Variants in PLCB2 observed in about 807,000 individuals in gnomAD.
PLCB2 encodes phospholipase C beta 2.
PLCB2 carries 115 observed loss-of-function variants against 141.7 expected under a neutral mutation model. The observed-to-expected ratio is 0.81, with a 90% CI of 0.70 to 0.95. The LOEUF is 0.95. Among genes scored for constraint, PLCB2 ranks in the 40% least tolerant of loss-of-function variants. The pLI, the probability that PLCB2 is intolerant of heterozygous loss-of-function variation, is 0.00. For missense variants in PLCB2, 1,403 were observed against 1,541.1 expected (o/e 0.91, Z 1.50); for synonymous variants, 603 against 595.6 (o/e 1.01, Z -0.18).
At chr15:40,301,373 G>C in intron 7 of PLCB2, 1 of 598,632 alleles carries the variant, frequency 1.7e-6, no homozygotes, top group Non-Finnish European at 3.0e-6. Flanking sequence ...CAGCCCAGAG[G>C]GCTCCTTTTT....
chr15:40,289,354 G>A lies in PLCB2; in HGVS notation c.3272C>T (p.Thr1091Met), dbSNP rs368664012. 30 of 1,613,002 alleles carry A rather than the reference G, an allele frequency of 1.9e-5. No individual in the cohort carries two copies. The highest frequency in any genetic ancestry group is 1.6e-4 in the Middle Eastern group (1 of 6,082). The change falls in exon 31 of 32, where the codon ACG becomes ATG. Residue 1091 changes from threonine to methionine, a missense_variant. This residue lies in a region of PLCB2 where 132 missense variants were observed against 132.4 expected (regional missense o/e 1.00). Transcript: ENST00000260402. ...CTCCTGGTGCCTCTCCAAGTTCTCC[G>A]TCATCTGGGTGGGAGTGGATGGCAG... Reference protein sequence around the residue: ...QEVVQVIKQMTENLERHQEKL... With the variant: ...QEVVQVIKQMMENLERHQEKL...
chr15:40,289,966 AGAGT>A lies in PLCB2; in HGVS notation c.3267+55_3267+58del, dbSNP rs1195321806. ...GAGAGAGAGAGAGAGAGAGAGAGAG[AGAGT>A]GTGTGTGTGTGTGTGTGTGTGTGTG... is the stretch of plus-strand genomic sequence containing the variant. On this transcript the variant is annotated intron_variant, in intron 30 of 31. Coordinates refer to ENST00000260402, the MANE Select transcript of PLCB2 (RefSeq NM_004573.3). 4 of 563,906 alleles carry A rather than the reference AGAGT, an allele frequency of 7.1e-6. No individual in the cohort carries two copies. The African/African-American group carries it at 9.9e-5, about 14-fold the overall frequency. 34.9% of individuals were successfully genotyped at this position (563,906 alleles called of 1,614,324 possible). A position where few individuals can be genotyped will look rare whatever the true frequency, so the allele number is the denominator to read the frequency against.
rs1362870251 is a variant in PLCB2 at position 40,298,572 on chromosome 15, G to A, written c.987C>T (p.Thr329=). 6.2e-6 allele frequency: 10 copies of A among 1,614,268 alleles called. No homozygotes were observed. Among genetic ancestry groups the A allele is most frequent in the Non-Finnish European group, 8.5e-6 (10 of 1,180,050 alleles). The stretch of plus-strand genomic sequence containing the variant: ...GTTATCAGGGCCCACCTGTCAGGTA[G>A]GTGTTGTGGGACGAGTTGATGAAGT... ...NHYFINSSHN[T]YLTAGQFSGL... Residue 329 remains threonine (T), a synonymous_variant, in exon 10 of 32, where the codon ACC becomes ACT. Transcript: ENST00000260402.
intron 16 of PLCB2, 76 bp from the exon 17 acceptor site, chr15:40,295,361 C>A: frequency 9.9e-7 from 1 of 1,010,620 alleles, no homozygotes; most frequent in South Asian, 1.3e-5. Context: ...CCCTTTGGGG[C>A]AGCTCCCTCT....
chr15:40,293,814 G>A, intron 19 of PLCB2, 90 bp from the exon 20 acceptor site: 1 of 1,338,898 alleles, frequency 7.5e-7, no homozygotes, highest in East Asian at 2.4e-5. Context: ...TAGAGCTGAA[G>A]CATTCGTTCT....
rs761373939 is a variant in PLCB2 at position 40,290,728 on chromosome 15, G to A, written c.3113+33C>T. On this transcript the variant is annotated intron_variant, in intron 28 of 31. Transcript: ENST00000260402. ...TTGTGCGGCTGAGCCCTTGCTGGGA[G>A]GCGAAGCAGGTGTGGGAGGGAGGCA... The A allele has an allele frequency of 6.8e-6, 11 of 1,612,042 alleles. No individual in the cohort carries two copies. The Admixed American group carries it at 1.8e-4, about 27-fold the overall frequency.
chr15:40,299,315 C>G, intron 7 of PLCB2, 87 bp from the exon 8 acceptor site: 1 of 874,756 alleles, frequency 1.1e-6, no homozygotes, highest in Admixed American at 1.9e-5. Context: ...TCAAGGGGAC[C>G]TGGTCAGAAG....
chr15:40,305,648 G>T (rs900164177), intron 1 of PLCB2, among the ~76,000 whole-genome samples: 2 of 152,200 alleles, frequency 1.3e-5, no homozygotes, highest in Admixed American at 1.3e-4. Context: ...GAAATGCTGG[G>T]GGGACTTCAA....
rs780670663 is a variant in PLCB2 at position 40,296,618 on chromosome 15, T to C, written c.1503A>G (p.Glu501=). Reference sequence around the variant, plus strand: ...CCTCCTCCTCCTCCAGCTCAGTCCCTTCCTCGCCAGCCCACACTGCCACAT... The same window carrying C: ...CCTCCTCCTCCTCCAGCTCAGTCCCCTCCTCGCCAGCCCACACTGCCACAT... ...AGEGTVWAGE[E]GTELEEEEVE... Residue 501 remains glutamate, a synonymous_variant, in exon 15 of 32, where the codon GAA becomes GAG. Transcript: ENST00000260402. The C allele has an allele frequency of 9.3e-6, 15 of 1,613,160 alleles. No homozygotes were observed. The South Asian group carries it at 1.6e-4, about 18-fold the overall frequency.
rs2040567665 is a variant in PLCB2, at chr15:40,302,455, G to A, written c.372+14C>T. 1 of 1,613,904 alleles carries A rather than the reference G, an allele frequency of 6.2e-7. No individual in the cohort carries two copies. The highest frequency in any genetic ancestry group is 8.5e-7 in the Non-Finnish European group (1 of 1,179,906). Reference sequence around the variant, plus strand: ...CCAGGGGCCCAGACCCAGGCCCAGTGCTCCCTGGCACACCTTGCCCACGTT... The same window carrying A: ...CCAGGGGCCCAGACCCAGGCCCAGTACTCCCTGGCACACCTTGCCCACGTT... On this transcript the variant is annotated intron_variant, in intron 4 of 31. Coordinates refer to ENST00000260402, the MANE Select transcript of PLCB2 (RefSeq NM_004573.3).
rs1446267232 is a variant in PLCB2 at position 40,304,028 on chromosome 15, G to C, written c.135C>G (p.Tyr45Ter). 2 of 1,598,462 alleles carry C rather than the reference G, an allele frequency of 1.3e-6. No individual in the cohort carries two copies. The highest frequency in any genetic ancestry group is 2.2e-5 in the East Asian group (1 of 44,496). ...PVILRVDPKG[Y>*]YLYWTYQSKE... The stretch of plus-strand genomic sequence containing the variant: ...TACTTTGATACGTCCAGTATAAGTA[G>C]TAGCCCTTAGGATCCACACGGAGGA... The change falls in exon 2 of 32, where the codon TAC becomes TAG. Residue 45 changes from tyrosine to a stop codon, truncating the protein, a stop_gained. Coordinates refer to ENST00000260402, the MANE Select transcript of PLCB2 (RefSeq NM_004573.3). LOFTEE classifies it high-confidence loss of function.
Position 40,302,363 on chromosome 15 carries a change from G to A in PLCB2, c.373-14C>T, listed in dbSNP as rs371006952. 2 of 1,613,724 alleles carry A rather than the reference G, an allele frequency of 1.2e-6. No individual in the cohort carries two copies. Among genetic ancestry groups the A allele is most frequent in the Non-Finnish European group, 1.7e-6 (2 of 1,179,864 alleles). On this transcript the variant is annotated splice_polypyrimidine_tract_variant and intron_variant, in intron 4 of 31. Coordinates refer to ENST00000260402, the MANE Select transcript of PLCB2 (RefSeq NM_004573.3). ...CTCAGCCCAGGCCTGCAGGACCACA[G>A]AGAGCAGCGGTCAGGCTCCTGAGCA...
At position 40,288,614 on chromosome 15, in the gene PLCB2, C is replaced by T; in HGVS notation, c.*101G>A. The T allele has an allele frequency of 1.4e-6, 2 of 1,423,980 alleles. No individual in the cohort carries two copies. The highest frequency in any genetic ancestry group is 1.8e-6 in the Non-Finnish European group (2 of 1,089,636). The allele number at this position is 1,423,980 out of a possible 1,614,324, so 88.2% of individuals were successfully genotyped here. A position where few individuals can be genotyped will look rare whatever the true frequency, so the allele number is the denominator to read the frequency against. On this transcript the variant is annotated 3_prime_UTR_variant, in exon 32 of 32. Coordinates refer to ENST00000260402, the MANE Select transcript of PLCB2 (RefSeq NM_004573.3). The stretch of plus-strand genomic sequence containing the variant: ...CGTCCAAGGCAGCCACAGGTTCCCA[C>T]AGCCTCAGAAGGCTGGGGCTCCTTT...
At chr15:40,303,980 G>A in intron 2 of PLCB2, 21 bp downstream of exon 2, 1 of 1,517,884 alleles carries the variant, frequency 6.6e-7, no homozygotes, top group Non-Finnish European at 9.0e-7. Flanking sequence ...CCAGGGCCAT[G>A]GCACACAAGG....
At position 40,291,123 on chromosome 15, in the gene PLCB2, G is replaced by C. The variant is rs1409412022; in HGVS notation, c.2931C>G (p.Asp977Glu). ...TGTCTTTCAGCTCCCGCACGCGCCC[G>C]TCCACGCCCTCAGGGCCCTCGCCCG... is the stretch of plus-strand genomic sequence containing the variant. The part of the protein sequence containing the change: ...AAPGEGPEGV[D>E]GRVRELKDRL... The change falls in exon 27 of 32, where the codon GAC (aspartate) becomes GAG (glutamate). Residue 977 changes from aspartate (D) to glutamate (E), a missense_variant. Coordinates refer to ENST00000260402, the MANE Select transcript of PLCB2 (RefSeq NM_004573.3). The C allele has an allele frequency of 1.9e-6, 3 of 1,577,700 alleles. No homozygotes were observed. Among genetic ancestry groups the C allele is most frequent in the Admixed American group, 1.7e-5 (1 of 57,334 alleles).
Position 40,291,181 on chromosome 15 carries a change from C to T in PLCB2, c.2873G>A (p.Ser958Asn), listed in dbSNP as rs763085859. The T allele has an allele frequency of 1.3e-6, 2 of 1,571,580 alleles. No homozygotes were observed. The highest frequency in any genetic ancestry group is 1.1e-5 in the South Asian group (1 of 87,134). ...TCCGGCGCTCTCCTCGCGGGGCAGG[C>T]TCCTGGGGAGGCCACGTGGGGACAG... Reference protein sequence around the residue: ...GPGKGSRKKRSLPREESAGAA... With the variant: ...GPGKGSRKKRNLPREESAGAA... Residue 958 changes from serine (S) to asparagine (N), a missense_variant and splice_region_variant, in exon 27 of 32, where the codon AGC becomes AAC. Ser to Asn is a conservative substitution (Grantham distance 46, BLOSUM62 1). This residue lies in a region of PLCB2 where 290 missense variants were observed against 245.9 expected (regional missense o/e 1.18). Coordinates refer to ENST00000260402, the MANE Select transcript of PLCB2 (RefSeq NM_004573.3).
intron 3 of PLCB2, 123 bp downstream of exon 3, chr15:40,303,154 GTCCTTGCTGCC>G: frequency 1.4e-6 from 1 of 712,658 alleles, no homozygotes; most frequent in Non-Finnish European, 2.5e-6. Context: ...TCCAGCCACG[GTCCTTGCTGCC>G]CAGCCAAGGA....
chr15:40,299,703 A>C (rs2040414087), intron 7 of PLCB2, among the ~76,000 whole-genome samples: 1 of 152,250 alleles, frequency 6.6e-6, no homozygotes, highest in Non-Finnish European at 1.5e-5. Flanking sequence ...AAGCACCGGG[A>C]CAAAGAAAGA....
chr15:40,284,629 C>T (rs2039583174), downstream of PLCB2: 3 of 451,124 alleles, frequency 6.7e-6, no homozygotes, highest in Admixed American at 4.8e-5. Flanking sequence ...ATCACGAGAT[C>T]AAGGGATCGA....
Sources: allele counts gnomAD v4.1 joint callset (sites outside exome capture counted in the v4.1 genomes callset), GRCh38; gene constraint gnomAD v4.1.1; regional missense constraint gnomAD v4.1.1; transcripts MANE v1.5; gene names NCBI Gene and HGNC (gene_info 2026-07-23, HGNC 2026-07-21).